DDX60: variants seen among roughly 807,000 people sequenced by gnomAD.
DDX60 encodes DExD/H-box helicase 60.
In DDX60, 165 loss-of-function variants were observed where a neutral mutation model predicts 212.8. The observed-to-expected ratio is 0.78, with a 90% CI of 0.68 to 0.88. The LOEUF (loss-of-function observed/expected upper bound fraction) is 0.88. Ranked by LOEUF, DDX60 falls within the 40% of genes least tolerant of loss-of-function variation. The pLI is 0.00. For synonymous variants in DDX60, 703 were observed against 685.3 expected (o/e 1.03, Z -0.40); for missense variants, 1,905 against 2,003.9 (o/e 0.95, Z 0.94).
intron 16 of DDX60, 37 bp downstream of exon 16, chr4:168,275,308 G>T: frequency 6.4e-7 from 1 of 1,552,452 alleles, no homozygotes; most frequent in South Asian, 1.3e-5. Context: ...CATATAATAA[G>T]AAAATACAGT....
Position 168,280,602 on chromosome 4 carries a change from GA to G in DDX60, c.1723-13del. 2 of 1,590,176 alleles carry G rather than the reference GA, an allele frequency of 1.3e-6. No homozygotes were observed. Among genetic ancestry groups the G allele is most frequent in the Non-Finnish European group, 8.5e-7 (1 of 1,172,288 alleles). ...TCAGCCTTGGTCTCCTGCCCCAAAG[GA>G]AAAAACATCTCTTAAGACAAGTTGA... On this transcript the variant is annotated splice_polypyrimidine_tract_variant and intron_variant, in intron 13 of 37. Coordinates refer to ENST00000393743, the MANE Select transcript of DDX60 (RefSeq NM_017631.6).
In DDX60 at chr4:168,308,001, G is replaced by A; in HGVS notation, c.264+5C>T. Reference sequence around the variant, plus strand: ...TTATAAAAAAGAACTCAACTATCATGTTACCTTGAAGAAAACTATGGTGAA... The same window carrying A: ...TTATAAAAAAGAACTCAACTATCATATTACCTTGAAGAAAACTATGGTGAA... On this transcript the variant is annotated splice_donor_5th_base_variant and intron_variant, in intron 4 of 37. Coordinates refer to ENST00000393743, the MANE Select transcript of DDX60 (RefSeq NM_017631.6). The A allele has an allele frequency of 6.4e-7, 1 of 1,562,538 alleles. No individual in the cohort carries two copies. Among genetic ancestry groups the A allele is most frequent in the Non-Finnish European group, 8.6e-7 (1 of 1,163,876 alleles).
intron 14 of DDX60, among the ~76,000 whole-genome samples, chr4:168,279,001 G>C (rs1373183431): frequency 6.6e-6 from 1 of 152,092 alleles, no homozygotes; most frequent in African/African-American, 2.4e-5. Flanking sequence ...ATGCCCAATA[G>C]AACCTACACA....
intron 29 of DDX60, 89 bp downstream of exon 29, chr4:168,248,099 C>T: frequency 1.3e-6 from 1 of 798,368 alleles, no homozygotes; most frequent in South Asian, 2.1e-5. Flanking sequence ...TGAATTGTGG[C>T]ATGTTTGTAA....
chr4:168,246,765 T>C (rs1269816430), intron 29 of DDX60, 147 bp from the exon 30 acceptor site: 3 of 792,312 alleles, frequency 3.8e-6, no homozygotes, highest in South Asian at 1.8e-5. Flanking sequence ...TGCAACTACA[T>C]AGTGCTTAGG....
At chr4:168,298,665 G>A (rs1736513487) in intron 6 of DDX60, among the ~76,000 whole-genome samples, 1 of 151,990 alleles carries the variant, frequency 6.6e-6, no homozygotes, top group Non-Finnish European at 1.5e-5. Context: ...AAACACAAGA[G>A]AGACAGCTGG....
intron 29 of DDX60, among the ~76,000 whole-genome samples, chr4:168,246,991 A>G (rs772011902): frequency 1.2e-4 from 18 of 152,206 alleles, no homozygotes; most frequent in Non-Finnish European, 1.9e-4. Flanking sequence ...CATCTTCCCC[A>G]TCTCTCATCC....
At chr4:168,321,910 T>A (rs603694), upstream of DDX60, among the ~76,000 whole-genome samples, 85,780 of 151,618 alleles carry the variant, frequency 0.57, 25,454 homozygotes, top group East Asian at 0.76. Context: ...ATAGGTTCAA[T>A]AGGTTCAAAC....
chr4:168,311,344 G>T lies in DDX60; in HGVS notation c.-85C>A. 7.0e-7 allele frequency: 1 copy of T among 1,432,326 alleles called. No individual in the cohort carries two copies. Among genetic ancestry groups the T allele is most frequent in the Non-Finnish European group, 9.6e-7 (1 of 1,036,340 alleles). The allele number at this position is 1,432,326 out of a possible 1,614,324, so 88.7% of individuals were successfully genotyped here. On this transcript the variant is annotated 5_prime_UTR_variant, in exon 2 of 38. In the 5' UTR this introduces an upstream ATG that the reference lacks. Coordinates refer to ENST00000393743, the MANE Select transcript of DDX60 (RefSeq NM_017631.6). ...TTTATTTTGGTACCTCTAAGTGGCAGTTCTTAATGAAAATGGCAGTCCTGC... is the reference window on the plus strand; with the variant it reads ...TTTATTTTGGTACCTCTAAGTGGCATTTCTTAATGAAAATGGCAGTCCTGC...
chr4:168,217,520 C>T (rs1341183772), intron 37 of DDX60, among the ~76,000 whole-genome samples: 1 of 152,122 alleles, frequency 6.6e-6, no homozygotes, highest in East Asian at 1.9e-4. Context: ...CAAAGATGTC[C>T]ATATCATATA....
chr4:168,291,965 A>G, intron 7 of DDX60, 59 bp from the exon 8 acceptor site: 2 of 1,314,764 alleles, frequency 1.5e-6, no homozygotes, highest in Non-Finnish European at 2.0e-6. Flanking sequence ...TTGCATAATA[A>G]GCATCTAGGA....
rs1011304559 is a variant in DDX60 at position 168,280,621 on chromosome 4, C to G, written c.1723-31G>C. On this transcript the variant is annotated intron_variant, in intron 13 of 37. Transcript: ENST00000393743. The stretch of plus-strand genomic sequence containing the variant: ...CCAAAGGAAAAAACATCTCTTAAGA[C>G]AAGTTGAAAATATTCCAAGATAACA... The G allele has an allele frequency of 1.5e-5, 23 of 1,572,796 alleles. No individual in the cohort carries two copies. In the South Asian group the frequency reaches 2.5e-4, roughly 17 times the overall value.
chr4:168,271,272 G>C (rs1173233080), intron 19 of DDX60, among the ~76,000 whole-genome samples: 1 of 152,100 alleles, frequency 6.6e-6, no homozygotes, highest in Non-Finnish European at 1.5e-5. Context: ...TTTTTATTCT[G>C]CTCTCTCTTC....
intron 1 of DDX60, among the ~76,000 whole-genome samples, chr4:168,316,516 G>A (rs559381082): frequency 6.6e-6 from 1 of 152,100 alleles, no homozygotes; most frequent in Non-Finnish European, 1.5e-5. Flanking sequence ...AGCATCTGAA[G>A]ACAATATATG....
Position 168,237,677 on chromosome 4 carries a change from G to A in DDX60, c.4269+14C>T, listed in dbSNP as rs1482844758. 6.3e-7 allele frequency: 1 copy of A among 1,594,916 alleles called. No individual in the cohort carries two copies. The highest frequency in any genetic ancestry group is 1.3e-5 in the African/African-American group (1 of 74,370). ...TAATGCTATTTCCCAAAACAAAAGTGCAGTAATGCATACCTCTTTCACCAG... is the reference window on the plus strand; with the variant it reads ...TAATGCTATTTCCCAAAACAAAAGTACAGTAATGCATACCTCTTTCACCAG... On this transcript the variant is annotated intron_variant, in intron 31 of 37. Transcript: ENST00000393743.
At chr4:168,294,693 G>A (rs547886106) in intron 6 of DDX60, among the ~76,000 whole-genome samples, 2 of 152,080 alleles carry the variant, frequency 1.3e-5, no homozygotes, top group East Asian at 1.9e-4. Context: ...GTAGAGATGG[G>A]ATTTCACCAT....
intron 8 of DDX60, 150 bp from the exon 9 acceptor site, chr4:168,288,465 C>T: frequency 4.0e-6 from 2 of 499,382 alleles, no homozygotes; most frequent in South Asian, 5.9e-5. Context: ...ATGGTGAATG[C>T]TTTACACCTT....
At chr4:168,274,780 G>A (rs1735259551) in intron 16 of DDX60, among the ~76,000 whole-genome samples, 1 of 152,046 alleles carries the variant, frequency 6.6e-6, no homozygotes, top group Admixed American at 6.5e-5. Context: ...ATTCTGAAGG[G>A]GGCAGTCTAT....
Position 168,302,352 on chromosome 4 carries a change from GA to G in DDX60, c.670del (p.Ser224GlnfsTer3). On this transcript the variant is annotated frameshift_variant, in exon 6 of 38. Coordinates refer to ENST00000393743, the MANE Select transcript of DDX60 (RefSeq NM_017631.6). LOFTEE classifies it high-confidence loss of function. ...LLNQLERFKL[S>X]ALAPLFGSLK... ...ACTTCCAAAAAGAGGTGCTAATGCT[GA>G]AAGCTTAAATCTTTCCAACTGGTTA... The G allele has an allele frequency of 6.3e-7, 1 of 1,594,054 alleles. No individual in the cohort carries two copies. Among genetic ancestry groups the G allele is most frequent in the Non-Finnish European group, 8.5e-7 (1 of 1,170,178 alleles).
Sources: allele counts gnomAD v4.1 joint callset (sites outside exome capture counted in the v4.1 genomes callset), GRCh38; gene constraint gnomAD v4.1.1; transcripts MANE v1.5; gene names NCBI Gene and HGNC (gene_info 2026-07-23, HGNC 2026-07-21).